The following INTS11 variants were observed in gnomAD, a reference collection of about 807,000 sequenced individuals.
INTS11 encodes the protein integrator complex subunit 11.
INTS11 carries 77 observed loss-of-function variants against 78.6 expected under a neutral mutation model. The ratio of observed to expected loss-of-function variants is 0.98; its 90% CI spans 0.81 to 1.18. The LOEUF (loss-of-function observed/expected upper bound fraction) is 1.18, where lower values mean the gene tolerates loss of function less well. Among genes scored for constraint, INTS11 ranks in the 50% most tolerant of loss-of-function variants. The pLI, the probability that INTS11 is intolerant of heterozygous loss-of-function variation, is 0.00. For missense variants in INTS11, 875 were observed against 825.9 expected, an observed-to-expected ratio of 1.06 and a Z score of -0.73; for synonymous variants, 441 against 326.9, an observed-to-expected ratio of 1.35 and a Z score of -3.77.
intron 6 of INTS11, 138 bp downstream of exon 6, chr1:1,315,266 C>G (rs1183703782): frequency 9.2e-7 from 1 of 1,085,210 alleles, no homozygotes; most frequent in African/African-American, 1.6e-5. Flanking sequence ...GGGCCCAGAA[C>G]GAAGGGGGCT....
Position 1,314,992 on chromosome 1 carries a change from C to T in INTS11, c.564-30G>A. The stretch of plus-strand genomic sequence containing the variant: ...AACACGGGGGTGGGGGTGTGAGCCA[C>T]GATGCACTGTCCCCACGGTTGCAGG... On this transcript the variant is annotated intron_variant, in intron 6 of 16. Coordinates refer to ENST00000435064, the MANE Select transcript of INTS11 (RefSeq NM_017871.6). This position sits in a 1 kb window ranked among gnomAD's most constrained non-coding sequence, Gnocchi z 4.2. 8 of 1,606,978 alleles carry T rather than the reference C, an allele frequency of 5.0e-6. No individual in the cohort carries two copies. Among genetic ancestry groups the T allele is most frequent in the Non-Finnish European group, 6.8e-6 (8 of 1,175,208 alleles).
chr1:1,312,124 T>C lies in INTS11; in HGVS notation c.1631A>G (p.Gln544Arg). The change falls in exon 16 of 17, where the codon CAG becomes CGG. Residue 544 changes from glutamine (Q) to arginine (R), a missense_variant. Transcript: ENST00000435064. ...LKSVLKDHCVQHLPDGSVTVE... is the reference protein window; with the variant it reads ...LKSVLKDHCVRHLPDGSVTVE... ...AGTCACAGAGCCGTCTGGGAGGTGCTGCACACAGTGGTCCTTCAGGACGCT... is the reference window on the plus strand; with the variant it reads ...AGTCACAGAGCCGTCTGGGAGGTGCCGCACACAGTGGTCCTTCAGGACGCT... The C allele has an allele frequency of 1.3e-6, 2 of 1,553,890 alleles. No homozygotes were observed. The highest frequency in any genetic ancestry group is 1.9e-5 in the Admixed American group (1 of 53,288).
At position 1,320,982 on chromosome 1, in the gene INTS11, C is replaced by T; in HGVS notation, c.126+14G>A. The T allele has an allele frequency of 6.2e-7, 1 of 1,611,186 alleles. No homozygotes were observed. Among genetic ancestry groups the T allele is most frequent in the Non-Finnish European group, 8.5e-7 (1 of 1,178,302 alleles). On this transcript the variant is annotated intron_variant, in intron 2 of 16. Coordinates refer to ENST00000435064, the MANE Select transcript of INTS11 (RefSeq NM_017871.6). ...GCTCTCCCAGCCTCTGGGCCTCCTGCCCAAGGGACTCACGTCGTCATTGAA... is the reference window on the plus strand; with the variant it reads ...GCTCTCCCAGCCTCTGGGCCTCCTGTCCAAGGGACTCACGTCGTCATTGAA...
Position 1,314,040 on chromosome 1 carries a change from TC to T in INTS11, c.768-120del. 1.9e-6 allele frequency: 2 copies of T among 1,051,352 alleles called. No homozygotes were observed. The highest frequency in any genetic ancestry group is 2.8e-6 in the Non-Finnish European group (2 of 713,568). 65.1% of individuals were successfully genotyped at this position (1,051,352 alleles called of 1,614,324 possible). A position where few individuals can be genotyped will look rare whatever the true frequency, so the allele number is the denominator to read the frequency against. On this transcript the variant is annotated intron_variant, in intron 8 of 16. Transcript: ENST00000435064. This position sits in a 1 kb window ranked among gnomAD's most constrained non-coding sequence, Gnocchi z 4.2. ...CAGCCCACGCACGGGCCAGGTTGAG[TC>T]CAGTCGCGACCACTTGTCCCATTAA...
Position 1,312,212 on chromosome 1 carries a change from G to GCCCCCCCCCCCCCCC in INTS11, c.1607+13_1607+14insGGGGGGGGGGGGGGG. ...GCCCAAGGGAGTGGGGGGGGGGCGG[G>GCCCCCCCCCCCCCCC]GCCGGGCGCCCACCTCTTGAGGTGG... On this transcript the variant is annotated intron_variant, in intron 15 of 16. Transcript: ENST00000435064. 1 of 911,002 alleles carries GCCCCCCCCCCCCCCC rather than the reference G, an allele frequency of 1.1e-6. No individual in the cohort carries two copies. The highest frequency in any genetic ancestry group is 1.7e-6 in the Non-Finnish European group (1 of 600,424). 56.4% of individuals were successfully genotyped at this position (911,002 alleles called of 1,614,324 possible).
In INTS11 at chr1:1,324,173, GGGCTGGGAGGCTGAGA is replaced by G. The variant is rs1557647492; in HGVS notation, c.28+392_28+407del. 1.9e-5 allele frequency among the ~76,000 whole-genome samples: 2 copies of G among 102,622 alleles called. 1 individual carries two copies. Among genetic ancestry groups the G allele is most frequent in the Admixed American group, 2.0e-4 (2 of 10,214 alleles). The allele number at this position is 102,622 out of a possible 152,430, so 67.3% of individuals were successfully genotyped here. On this transcript the variant is annotated intron_variant, in intron 1 of 16. Transcript: ENST00000435064. Reference sequence around the variant, plus strand: ...GGGGCTGAGGGGCTGGGGGGCTGAGGGGCTGGGAGGCTGAGAGGCTGGGGAGCTGGGGGGCTGAGGG... The same window carrying G: ...GGGGCTGAGGGGCTGGGGGGCTGAGGGGCTGGGGAGCTGGGGGGCTGAGGG...
At chr1:1,321,776 G>T in intron 1 of INTS11, 2 of 598,922 alleles carry the variant, frequency 3.3e-6, no homozygotes, top group Middle Eastern at 3.1e-4. Flanking sequence ...AGAGGCCTTG[G>T]CCAGCCAAGG....
At chr1:1,321,905 C>T in intron 1 of INTS11, 4 of 1,312,854 alleles carry the variant, frequency 3.0e-6, no homozygotes, top group African/African-American at 1.5e-5. Context: ...GAATCCCACC[C>T]ACCTCCCCCT....
At position 1,314,362 on chromosome 1, in the gene INTS11, G is replaced by A. The variant is rs749262390; in HGVS notation, c.706C>T (p.Leu236=). The A allele has an allele frequency of 6.2e-7, 1 of 1,605,908 alleles. No individual in the cohort carries two copies. The highest frequency in any genetic ancestry group is 8.5e-7 in the Non-Finnish European group (1 of 1,176,734). Reference sequence around the variant, plus strand: ...CGGCCCAGCGCGAACACAGGTATCAGCACCTGAGGGGGACACAAGGCAGGA... The same window carrying A: ...CGGCCCAGCGCGAACACAGGTATCAACACCTGAGGGGGACACAAGGCAGGA... The part of the protein sequence containing the change: ...HETVERGGKV[L]IPVFALGRAQ... The change falls in exon 8 of 17, where the codon CTG becomes TTG. Residue 236 remains leucine (L), a synonymous_variant. Coordinates refer to ENST00000435064, the MANE Select transcript of INTS11 (RefSeq NM_017871.6). This position sits in a 1 kb window ranked among gnomAD's most constrained non-coding sequence, Gnocchi z 4.2.
At position 1,313,524 on chromosome 1, in the gene INTS11, T is replaced by A. The variant is rs1431362899; in HGVS notation, c.1026A>T (p.Gly342=). The A allele has an allele frequency of 1.2e-6, 2 of 1,613,020 alleles. No individual in the cohort carries two copies. The highest frequency in any genetic ancestry group is 4.5e-5 in the East Asian group (2 of 44,886). ...ATGCCCTCACCATGTTCTTTTCGTT[T>A]CCGGCCCATTTCCGGAAGATCTGCA... ...QSLQIFRKWA[G]NEKNMVIMPG... Residue 342 remains glycine (G), a synonymous_variant, in exon 10 of 17, where the codon GGA becomes GGT. Transcript: ENST00000435064.
intron 2 of INTS11, chr1:1,320,764 C>T (rs562580039): frequency 2.8e-5 from 20 of 711,944 alleles, no homozygotes; most frequent in East Asian, 1.3e-4. Context: ...CAGGGTCTCA[C>T]GGAGTCCAGC....
In INTS11 at chr1:1,320,515, G is replaced by A. The variant is rs748426808; in HGVS notation, c.141C>T (p.Asp47=). The A allele has an allele frequency of 6.8e-6, 11 of 1,613,976 alleles. 1 individual carries two copies. The South Asian group carries it at 7.7e-5, about 11-fold the overall frequency. ...MGFNDDRRFP[D]FSYITQNGRL... ...GGCCGTTCTGGGTGATGTAGGAGAA[G>A]TCAGGGAAGCGTCGCTAGGAAGGAT... The change falls in exon 3 of 17, where the codon GAC becomes GAT. Residue 47 remains aspartate, a synonymous_variant. Coordinates refer to ENST00000435064, the MANE Select transcript of INTS11 (RefSeq NM_017871.6).
chr1:1,311,867 G>T lies in INTS11; in HGVS notation c.1795C>A (p.Pro599Thr). The part of the protein sequence containing the change: ...SLLKKGLPQA[P>T]S ...TGGGTGAGTTGCCGGCCTCAGCTGG[G>T]GGCCTGGGGGAGGCCCTTCTTCAGC... is the stretch of plus-strand genomic sequence containing the variant. The change falls in exon 17 of 17, where the codon CCC (proline) becomes ACC (threonine). Residue 599 changes from proline to threonine, a missense_variant. Coordinates refer to ENST00000435064, the MANE Select transcript of INTS11 (RefSeq NM_017871.6). The T allele has an allele frequency of 1.9e-6, 3 of 1,555,994 alleles. 1 individual carries two copies. In the South Asian group the frequency reaches 3.6e-5, roughly 19 times the overall value.
chr1:1,314,757 C>T lies in INTS11; in HGVS notation c.702+67G>A, dbSNP rs1642472853. 4 of 1,550,952 alleles carry T rather than the reference C, an allele frequency of 2.6e-6. No homozygotes were observed. The highest frequency in any genetic ancestry group is 1.8e-5 in the Admixed American group (1 of 56,684). ...AGACCCTGACCCATGCCAAGGGCAGCCAAGCCTGCCAGAAAGACCAGCCCA... is the reference window on the plus strand; with the variant it reads ...AGACCCTGACCCATGCCAAGGGCAGTCAAGCCTGCCAGAAAGACCAGCCCA... On this transcript the variant is annotated intron_variant, in intron 7 of 16. Coordinates refer to ENST00000435064, the MANE Select transcript of INTS11 (RefSeq NM_017871.6). The surrounding 1 kb of genome is among the most constrained non-coding windows in gnomAD (Gnocchi z 4.2).
chr1:1,323,147 C>G (rs140361978), intron 1 of INTS11: 2 of 1,548,868 alleles, frequency 1.3e-6, no homozygotes, highest in Non-Finnish European at 1.7e-6. Flanking sequence ...GTGTCCACAC[C>G]GGGGCGGGGG....
At chr1:1,318,766 A>G (rs1434601915) in intron 4 of INTS11, 3 of 534,600 alleles carry the variant, frequency 5.6e-6, no homozygotes, top group African/African-American at 1.9e-5. Context: ...GTTTCAAGAA[A>G]TATAAAAGCA....
At position 1,312,779 on chromosome 1, in the gene INTS11, C is replaced by G; in HGVS notation, c.1294+8G>C. On this transcript the variant is annotated splice_region_variant and intron_variant, in intron 12 of 16. Transcript: ENST00000435064. ...GGTGGGCCCCACGCCGCCCGCCCGG[C>G]TGCCTACGGAGCTCCTGCTCGATCT... The G allele has an allele frequency of 1.9e-6, 3 of 1,603,674 alleles. No homozygotes were observed. In the South Asian group the frequency reaches 3.3e-5, roughly 18 times the overall value.
chr1:1,311,855 G>C lies in INTS11; in HGVS notation c.*4C>G, dbSNP rs368984021. The C allele has an allele frequency of 6.5e-7, 1 of 1,545,692 alleles. No individual in the cohort carries two copies. The highest frequency in any genetic ancestry group is 1.4e-5 in the African/African-American group (1 of 72,652). On this transcript the variant is annotated 3_prime_UTR_variant, in exon 17 of 17. Transcript: ENST00000435064. ...AGAGGTGGCGGCTGGGTGAGTTGCC[G>C]GCCTCAGCTGGGGGCCTGGGGGAGG... is the stretch of plus-strand genomic sequence containing the variant.
chr1:1,319,785 G>A (rs957131236), intron 3 of INTS11: 7 of 510,572 alleles, frequency 1.4e-5, no homozygotes, highest in Non-Finnish European at 2.1e-5. Context: ...AAGCTGCTGA[G>A]GGAACCGCGC....
Sources: gnomAD v4.1 joint callset for allele counts (sites outside exome capture counted in the v4.1 genomes callset) on GRCh38, gnomAD v4.1.1 for gene constraint, Gnocchi (gnomAD v3.1) non-coding constraint, MANE v1.5 for transcripts, NCBI Gene and HGNC (gene_info 2026-07-23, HGNC 2026-07-21) for gene names.